PARN: variants seen among roughly 807,000 people sequenced by gnomAD.
The protein encoded by PARN is poly(A)-specific ribonuclease PARN.
PARN carries 71 observed loss-of-function variants against 102.8 expected under a neutral mutation model. The ratio of observed to expected loss-of-function variants is 0.69; its 90% confidence interval spans 0.57 to 0.84. The LOEUF is 0.84. Among genes scored for constraint, PARN ranks in the 40% least tolerant of loss-of-function variants. PARN has a pLI of 0.00. For synonymous variants in PARN, 261 were observed against 252.9 expected, an observed-to-expected ratio of 1.03 and a Z score of -0.30; for missense variants, 782 against 760.9, an observed-to-expected ratio of 1.03 and a Z score of -0.33.
intron 21 of PARN, among the ~76,000 whole-genome samples, chr16:14,507,878 T>C (rs1465229497): frequency 6.6e-6 from 1 of 152,244 alleles, no homozygotes; most frequent in Non-Finnish European, 1.5e-5. Context: ...GCTTATCTAA[T>C]GCAGTCAGTT....
chr16:14,473,739 T>C (rs995569908), intron 22 of PARN, among the ~76,000 whole-genome samples: 2 of 152,180 alleles, frequency 1.3e-5, no homozygotes, highest in Non-Finnish European at 2.9e-5. Context: ...GGGCCACTGC[T>C]TGCGCTGTAG....
chr16:14,486,473 G>A (rs750194240), intron 21 of PARN, among the ~76,000 whole-genome samples: 1 of 152,174 alleles, frequency 6.6e-6, no homozygotes, highest in Non-Finnish European at 1.5e-5. Flanking sequence ...GGTCACAGGC[G>A]AGCTGAGTTA....
chr16:14,574,148 G>A (rs1968974505), intron 18 of PARN, among the ~76,000 whole-genome samples: 1 of 152,224 alleles, frequency 6.6e-6, no homozygotes, highest in African/African-American at 2.4e-5. Flanking sequence ...AATCAAGGCT[G>A]AGATGGTCTC....
intron 21 of PARN, among the ~76,000 whole-genome samples, chr16:14,519,054 C>T (rs1202309141): frequency 1.3e-5 from 2 of 151,710 alleles, no homozygotes; most frequent in Non-Finnish European, 2.9e-5. Flanking sequence ...GGGGTGTGTA[C>T]CATGGGATAA....
intron 18 of PARN, among the ~76,000 whole-genome samples, chr16:14,564,073 G>A (rs1039318763): frequency 6.6e-6 from 1 of 151,856 alleles, no homozygotes; most frequent in Non-Finnish European, 1.5e-5. Context: ...CCCACTACCC[G>A]CCCTACACAC....
intron 22 of PARN, among the ~76,000 whole-genome samples, chr16:14,451,429 T>C (rs960199557): frequency 3.9e-5 from 6 of 152,178 alleles, no homozygotes; most frequent in Non-Finnish European, 5.9e-5. Flanking sequence ...GCTATATTCA[T>C]ACAACGAAAT....
intron 13 of PARN, among the ~76,000 whole-genome samples, chr16:14,587,274 T>C (rs1969916455): frequency 6.6e-6 from 1 of 152,190 alleles, no homozygotes; most frequent in Non-Finnish European, 1.5e-5. Flanking sequence ...ATAATGATGT[T>C]TGTAATCTCT....
chr16:14,530,630 A>G (rs540654566), intron 21 of PARN, among the ~76,000 whole-genome samples: 1 of 152,274 alleles, frequency 6.6e-6, no homozygotes, highest in South Asian at 2.1e-4. Context: ...CCATTCATTC[A>G]AATGACTTCA....
chr16:14,556,150 TTAC>T (rs1164438041), intron 18 of PARN, among the ~76,000 whole-genome samples: 2 of 147,928 alleles, frequency 1.4e-5, no homozygotes, highest in Admixed American at 6.8e-5. Flanking sequence ...ATTATTATTA[TTAC>T]TATTATTATT....
intron 21 of PARN, among the ~76,000 whole-genome samples, chr16:14,516,806 G>A (rs74009174): frequency 2.2e-3 from 330 of 152,324 alleles, no homozygotes; most frequent in African/African-American, 6.8e-3. Flanking sequence ...GTAAAACAGA[G>A]ACTAAATGAT....
At chr16:14,521,985 C>T (rs770539223) in intron 21 of PARN, among the ~76,000 whole-genome samples, 2 of 152,140 alleles carry the variant, frequency 1.3e-5, no homozygotes, top group Admixed American at 6.5e-5. Context: ...AGGTGTGCAG[C>T]CTAGAAGCAA....
At chr16:14,464,284 T>G (rs1159546783) in intron 22 of PARN, among the ~76,000 whole-genome samples, 1 of 151,932 alleles carries the variant, frequency 6.6e-6, no homozygotes, top group East Asian at 1.9e-4. Context: ...AAGAAGAACT[T>G]GTAAAAAGTA....
intron 21 of PARN, among the ~76,000 whole-genome samples, chr16:14,537,396 T>C (rs1350959333): frequency 6.6e-6 from 1 of 152,012 alleles, no homozygotes; most frequent in Non-Finnish European, 1.5e-5. Context: ...CCTCAAAAAA[T>C]TAGAAACAGA....
rs144727688 is a variant in PARN at position 14,449,947 on chromosome 16, T to C, written c.1671-2866A>G. ...GGAATGTGGCAATATCTAACAAAACTGCATACACTTCCAGGAATTTAGAAG... is the reference window on the plus strand; with the variant it reads ...GGAATGTGGCAATATCTAACAAAACCGCATACACTTCCAGGAATTTAGAAG... On this transcript the variant is annotated intron_variant, in intron 22 of 23. Coordinates refer to ENST00000437198, the MANE Select transcript of PARN (RefSeq NM_002582.4). Among the ~76,000 whole-genome samples, 1,288 of 152,262 alleles carry C rather than the reference T, an allele frequency of 8.5e-3. 23 individuals are homozygous for C. The highest frequency in any genetic ancestry group is 0.029 in the African/African-American group (1,209 of 41,544).
intron 16 of PARN, 42 bp from the exon 17 acceptor site, chr16:14,582,333 A>G: frequency 7.7e-7 from 1 of 1,295,134 alleles, no homozygotes; most frequent in Admixed American, 1.7e-5. Flanking sequence ...AACAAAGACT[A>G]GTAAGCACAT....
chr16:14,553,184 G>A (rs1185238352), intron 20 of PARN, among the ~76,000 whole-genome samples: 6 of 149,032 alleles, frequency 4.0e-5, no homozygotes, highest in Non-Finnish European at 7.4e-5. Context: ...TTGAGAGTCC[G>A]AGGCGGGAGG....
At chr16:14,555,798 AT>A in intron 18 of PARN, 89 bp from the exon 19 acceptor site, 3 of 579,440 alleles carry the variant, frequency 5.2e-6, no homozygotes, top group Non-Finnish European at 6.1e-6. Context: ...GAAAAAAAAA[AT>A]TTTAATAGGC....
At chr16:14,439,555 A>G (rs1960859526) in intron 23 of PARN, among the ~76,000 whole-genome samples, 1 of 152,190 alleles carries the variant, frequency 6.6e-6, no homozygotes, top group East Asian at 1.9e-4. Context: ...TGTAAAACCT[A>G]AAACTGTAAA....
At chr16:14,440,834 C>A (rs1177030171) in intron 23 of PARN, among the ~76,000 whole-genome samples, 3 of 152,144 alleles carry the variant, frequency 2.0e-5, no homozygotes, top group Non-Finnish European at 4.4e-5. Context: ...AGACCAATGG[C>A]TGCTGGGATC....
Sources: gnomAD v4.1 joint callset for allele counts (sites outside exome capture counted in the v4.1 genomes callset) on GRCh38, gnomAD v4.1.1 for gene constraint, MANE v1.5 for transcripts, NCBI Gene and HGNC (gene_info 2026-07-23, HGNC 2026-07-21) for gene names.